The following ANKS1B variants were observed in gnomAD, a reference collection of about 807,000 sequenced individuals.
ANKS1B encodes ankyrin repeat and sterile alpha motif domain containing 1B, also known as ankyrin repeat and sterile alpha motif domain-containing protein 1B.
ANKS1B carries 36 observed loss-of-function variants against 148.3 expected under a neutral mutation model. That is an observed-to-expected ratio of 0.24 (90% confidence interval 0.19 to 0.32). ANKS1B has a LOEUF of 0.32. Ranked by LOEUF, ANKS1B falls within the 10% of genes least tolerant of loss-of-function variation. The probability of loss-of-function intolerance (pLI) is 1.00; values close to 1 mark genes in which losing one functional copy is unlikely to be tolerated. For missense variants in ANKS1B, 1,157 were observed against 1,542.6 expected (o/e 0.75, Z 4.19); for synonymous variants, 542 against 560.8 (o/e 0.97, Z 0.47).
intron 8 of ANKS1B, among the ~76,000 whole-genome samples, chr12:99,677,348 T>A (rs1275458382): frequency 6.7e-6 from 1 of 150,124 alleles, no homozygotes; most frequent in African/African-American, 2.5e-5. Flanking sequence ...TTTTATTTTT[T>A]TGTTTTTTTT....
intron 17 of ANKS1B, among the ~76,000 whole-genome samples, chr12:98,889,342 C>G (rs1232414173): frequency 6.7e-6 from 1 of 149,718 alleles, no homozygotes; most frequent in Non-Finnish European, 1.5e-5. Context: ...AACGTCAGAA[C>G]CTTTTTTATT....
chr12:99,473,812 A>G (rs2096276929), intron 10 of ANKS1B, among the ~76,000 whole-genome samples: 1 of 151,944 alleles, frequency 6.6e-6, no homozygotes, highest in Non-Finnish European at 1.5e-5. Context: ...ATACCTTCTC[A>G]GTATGTGCAT....
intron 12 of ANKS1B, among the ~76,000 whole-genome samples, chr12:99,355,280 G>C (rs565394164): frequency 2.2e-4 from 34 of 152,106 alleles, no homozygotes; most frequent in Admixed American, 4.6e-4. Context: ...GTGGAGATTG[G>C]GATAGTGCTA....
chr12:99,173,905 G>A (rs563850330), intron 14 of ANKS1B, among the ~76,000 whole-genome samples: 1 of 152,218 alleles, frequency 6.6e-6, no homozygotes, highest in South Asian at 2.1e-4. Context: ...GGTGCTGTCG[G>A]TGGCTTCTGA....
chr12:99,856,646 C>T (rs2089147066), intron 1 of ANKS1B, among the ~76,000 whole-genome samples: 1 of 152,068 alleles, frequency 6.6e-6, no homozygotes, highest in Admixed American at 6.5e-5. Context: ...AAAATACTAG[C>T]AAACCAAATC....
At chr12:98,972,036 C>T (rs2099883563) in intron 17 of ANKS1B, among the ~76,000 whole-genome samples, 2 of 152,082 alleles carry the variant, frequency 1.3e-5, no homozygotes, top group Admixed American at 6.6e-5. Flanking sequence ...GGCGTGGTGG[C>T]GTGCACTTGT....
At chr12:99,650,391 T>C (rs2098411418) in intron 9 of ANKS1B, among the ~76,000 whole-genome samples, 1 of 92,668 alleles carries the variant, frequency 1.1e-5, no homozygotes, top group Non-Finnish European at 2.7e-5. Context: ...ATGGTCACCT[T>C]GAGACCATAC....
chr12:99,734,015 G>A (rs1222988735), intron 8 of ANKS1B, among the ~76,000 whole-genome samples: 1 of 152,088 alleles, frequency 6.6e-6, no homozygotes, highest in Non-Finnish European at 1.5e-5. Flanking sequence ...CCCCACAATA[G>A]CTGTTCCAAA....
In ANKS1B at chr12:99,154,414, G is replaced by T. The variant is rs554740857; in HGVS notation, c.2420-19C>A. Reference sequence around the variant, plus strand: ...CTGGGTCCTGTAAGAGGATGAAGAGGGAAGCGTTTAAGCAGGGAGTAGCCG... The same window carrying T: ...CTGGGTCCTGTAAGAGGATGAAGAGTGAAGCGTTTAAGCAGGGAGTAGCCG... On this transcript the variant is annotated intron_variant, in intron 14 of 26. Transcript: ENST00000683438. 6.2e-7 allele frequency: 1 copy of T among 1,613,774 alleles called. No homozygotes were observed. Among genetic ancestry groups the T allele is most frequent in the African/African-American group, 1.3e-5 (1 of 75,044 alleles).
chr12:99,060,483 C>G lies in ANKS1B; in HGVS notation c.2626-7174G>C, dbSNP rs146428800. Among the ~76,000 whole-genome samples, 50 of 152,088 alleles carry G rather than the reference C, an allele frequency of 3.3e-4. No homozygotes were observed. The East Asian group carries it at 8.9e-3, about 27-fold the overall frequency. ...CAAGTAAGAGGAAGAAAGGTTTTCT[C>G]GGCTTTAAAAAGAAATGTTTGAAAA... On this transcript the variant is annotated intron_variant, in intron 16 of 26. Transcript: ENST00000683438.
Position 99,244,243 on chromosome 12 carries a change from T to C in ANKS1B, c.2419+99A>G, listed in dbSNP as rs146500914. The C allele has an allele frequency of 2.4e-4, 186 of 771,896 alleles. No homozygotes were observed. The African/African-American group carries it at 3.1e-3, about 13-fold the overall frequency. The allele number at this position is 771,896 out of a possible 1,614,324, so 47.8% of individuals were successfully genotyped here. ...GGAAGGAAATAATTTGTAGTTATTGTTATAATGAAAAAAATGCAATTATCT... is the reference window on the plus strand; with the variant it reads ...GGAAGGAAATAATTTGTAGTTATTGCTATAATGAAAAAAATGCAATTATCT... On this transcript the variant is annotated intron_variant, in intron 14 of 26. Transcript: ENST00000683438.
chr12:98,805,880 T>C (rs1274912237), intron 20 of ANKS1B, among the ~76,000 whole-genome samples: 1 of 152,192 alleles, frequency 6.6e-6, no homozygotes, highest in African/African-American at 2.4e-5. Flanking sequence ...TTATTATTAT[T>C]TATTTTTCCA....
At chr12:99,433,114 CAG>C (rs1479560114) in intron 11 of ANKS1B, among the ~76,000 whole-genome samples, 1 of 152,114 alleles carries the variant, frequency 6.6e-6, no homozygotes. Context: ...ACAATAGTGA[CAG>C]ATGACAGATG....
In ANKS1B at chr12:99,154,878, AC is replaced by A. The variant is rs1422587775; in HGVS notation, c.2420-484del. ...TCCCCTTCATTACCCAGCCCAGGCT[AC>A]ACCTCGCATTTTCAATAATAGCCAT... On this transcript the variant is annotated intron_variant, in intron 14 of 26. Transcript: ENST00000683438. The A allele has an allele frequency of 2.6e-6, 4 of 1,534,792 alleles. No homozygotes were observed. The Admixed American group carries it at 7.9e-5, about 30-fold the overall frequency.
In ANKS1B at chr12:99,613,693, G is replaced by A. The variant is rs371621570; in HGVS notation, c.1272+41374C>T. On this transcript the variant is annotated intron_variant, in intron 9 of 26. Coordinates refer to ENST00000683438, the MANE Select transcript of ANKS1B (RefSeq NM_001352186.2). ...CATAGAGGAGAACAACGCACACTGG[G>A]GCTTATCAGGGGGTAGAGGGTAGGA... Among the ~76,000 whole-genome samples, 9 of 152,052 alleles carry A rather than the reference G, an allele frequency of 5.9e-5. No homozygotes were observed. In the East Asian group the frequency reaches 1.5e-3, roughly 26 times the overall value.
intron 8 of ANKS1B, among the ~76,000 whole-genome samples, chr12:99,707,962 A>G (rs1253475591): frequency 6.6e-6 from 1 of 152,158 alleles, no homozygotes. Flanking sequence ...AAGAACAATG[A>G]GCCAAATGGG....
intron 9 of ANKS1B, among the ~76,000 whole-genome samples, chr12:99,607,197 G>A (rs550434885): frequency 6.6e-6 from 1 of 152,024 alleles, no homozygotes; most frequent in Non-Finnish European, 1.5e-5. Context: ...CTTCACCATA[G>A]CCTCCTTCCC....
At chr12:99,642,966 C>A (rs373867368) in intron 9 of ANKS1B, among the ~76,000 whole-genome samples, 1 of 152,060 alleles carries the variant, frequency 6.6e-6, no homozygotes, top group East Asian at 1.9e-4. Flanking sequence ...ACTATAAGTA[C>A]CTTCATAATT....
At chr12:99,829,378 C>T (rs1233420826) in intron 1 of ANKS1B, among the ~76,000 whole-genome samples, 3 of 152,078 alleles carry the variant, frequency 2.0e-5, no homozygotes, top group Admixed American at 6.5e-5. Context: ...AGGCCGGGCG[C>T]GGTGGCTCAC....
Sources: allele counts gnomAD v4.1 joint callset (sites outside exome capture counted in the v4.1 genomes callset), GRCh38; gene constraint gnomAD v4.1.1; transcripts MANE v1.5; gene names NCBI Gene and HGNC (gene_info 2026-07-23, HGNC 2026-07-21).